The following SWT1 variants were observed in gnomAD, a reference collection of about 807,000 sequenced individuals.
The protein encoded by SWT1 is transcriptional protein SWT1.
A neutral mutation model predicts 107.3 loss-of-function variants in SWT1; 33 were observed. The observed-to-expected ratio is 0.31, with a 90% CI of 0.23 to 0.41. The LOEUF (loss-of-function observed/expected upper bound fraction) is 0.41, where lower values mean the gene tolerates loss of function less well. Among genes scored for constraint, SWT1 ranks in the 10% least tolerant of loss-of-function variants. SWT1 has a pLI of 1.00. For missense variants in SWT1, 898 were observed against 1,028.9 expected (o/e 0.87, Z 1.74); for synonymous variants, 345 against 348.3 (o/e 0.99, Z 0.11).
At chr1:185,246,978 A>G (rs1033771169) in intron 16 of SWT1, among the ~76,000 whole-genome samples, 2 of 151,990 alleles carry the variant, frequency 1.3e-5, no homozygotes, top group Non-Finnish European at 1.5e-5. Flanking sequence ...TTTACATTCT[A>G]TTGTGACTGG....
In SWT1 at chr1:185,168,788, AT is replaced by A. The variant is rs564293135; in HGVS notation, c.224+391del. On this transcript the variant is annotated intron_variant, in intron 4 of 18. Coordinates refer to ENST00000367500, the MANE Select transcript of SWT1 (RefSeq NM_017673.7). ...AGAGTATGTATCTTATAGAATTGAT[AT>A]GGCTTTAAAACCGTGTTGATTAACC... 7.7e-4 allele frequency among the ~76,000 whole-genome samples: 117 copies of A among 152,318 alleles called. No individual in the cohort carries two copies. In the Middle Eastern group the frequency reaches 0.02, roughly 27 times the overall value.
intron 17 of SWT1, among the ~76,000 whole-genome samples, chr1:185,271,822 A>T (rs1663889223): frequency 6.6e-6 from 1 of 152,286 alleles, no homozygotes; most frequent in Non-Finnish European, 1.5e-5. Flanking sequence ...TGTGATCTAC[A>T]ACTGTCCATT....
chr1:185,262,464 A>G (rs1405284883), intron 16 of SWT1: 2 of 152,214 alleles, frequency 1.3e-5, no homozygotes, highest in South Asian at 2.1e-4. Context: ...CATCATTCCC[A>G]TATTCTGGGG....
At chr1:185,248,469 T>A (rs1661767102) in intron 16 of SWT1, among the ~76,000 whole-genome samples, 1 of 152,206 alleles carries the variant, frequency 6.6e-6, no homozygotes. Flanking sequence ...TTCAGAAATT[T>A]AGTATGTTAA....
At chr1:185,251,857 A>G (rs1274599004) in intron 16 of SWT1, among the ~76,000 whole-genome samples, 2 of 151,904 alleles carry the variant, frequency 1.3e-5, no homozygotes, top group African/African-American at 4.8e-5. Context: ...GGTTAGTTAC[A>G]TATGTATACA....
intron 16 of SWT1, among the ~76,000 whole-genome samples, chr1:185,246,100 T>C: frequency 6.6e-6 from 1 of 151,990 alleles, no homozygotes; most frequent in Non-Finnish European, 1.5e-5. Context: ...CACCATCATA[T>C]ATGTGGTCCA....
chr1:185,214,433 T>G, intron 13 of SWT1, 74 bp from the exon 14 acceptor site: 1 of 1,157,808 alleles, frequency 8.6e-7, no homozygotes, highest in South Asian at 1.6e-5. Context: ...AAAATTAATA[T>G]TAGTGTTCCA....
intron 15 of SWT1, among the ~76,000 whole-genome samples, chr1:185,228,200 T>TATATACAC (rs1235462995): frequency 9.4e-4 from 136 of 144,994 alleles, no homozygotes; most frequent in African/African-American, 3.2e-3. Context: ...CATATATATA[T>TATATACAC]ACTCAGTATG....
intron 18 of SWT1, among the ~76,000 whole-genome samples, chr1:185,287,582 C>T (rs568615278): frequency 5.3e-5 from 8 of 152,106 alleles, no homozygotes; most frequent in Non-Finnish European, 1.2e-4. Context: ...CTGCGTCTTA[C>T]AATAGTGAGT....
intron 16 of SWT1, among the ~76,000 whole-genome samples, chr1:185,253,375 G>A (rs1211621616): frequency 6.6e-6 from 1 of 151,840 alleles, no homozygotes; most frequent in Non-Finnish European, 1.5e-5. Flanking sequence ...ACCTTGGGCA[G>A]TATGGCCATT....
At position 185,271,371 on chromosome 1, in the gene SWT1, C is replaced by A; in HGVS notation, c.2490C>A (p.Asn830Lys). 1 of 1,504,290 alleles carries A rather than the reference C, an allele frequency of 6.6e-7. No individual in the cohort carries two copies. The highest frequency in any genetic ancestry group is 9.2e-7 in the Non-Finnish European group (1 of 1,082,764). The allele number at this position is 1,504,290 out of a possible 1,614,324, so 93.2% of individuals were successfully genotyped here. ...ATCAAGATGTTGAGACCCTCTATAA[C>A]TTCCTAATCAAGTATGAGGTATGGG... ...SNYQDVETLY[N>K]FLIKYEVNKN... The change falls in exon 17 of 19, where the codon AAC becomes AAA. Residue 830 changes from asparagine to lysine, a missense_variant. By Grantham distance (94) the Asn-to-Lys change is moderately conservative. Coordinates refer to ENST00000367500, the MANE Select transcript of SWT1 (RefSeq NM_017673.7).
intron 2 of SWT1, among the ~76,000 whole-genome samples, chr1:185,163,836 C>T (rs1197869711): frequency 6.6e-6 from 1 of 152,204 alleles, no homozygotes; most frequent in East Asian, 1.9e-4. Context: ...ATCAACTTTT[C>T]CAAACTCCTG....
intron 9 of SWT1, among the ~76,000 whole-genome samples, chr1:185,185,709 A>T (rs567183148): frequency 1.2e-4 from 18 of 152,282 alleles, no homozygotes; most frequent in Middle Eastern, 6.8e-3. Context: ...TTATGGTATT[A>T]ACTATGAGAA....
intron 10 of SWT1, 138 bp downstream of exon 10, chr1:185,190,780 A>T: frequency 1.8e-6 from 1 of 550,510 alleles, no homozygotes; most frequent in East Asian, 2.8e-5. Context: ...ACCCACTTGT[A>T]TCTGACAGTC....
chr1:185,289,683 AAAG>A lies in SWT1; in HGVS notation c.2574-985_2574-983del, dbSNP rs560999024. ...AGTGGAATACTATTCACTCTTAAAA[AAAG>A]AAGAAAATCCTGTCATCTGGAACAA... On this transcript the variant is annotated intron_variant, in intron 18 of 18. Transcript: ENST00000367500. Among the ~76,000 whole-genome samples the A allele has an allele frequency of 1.8e-4, 27 of 152,292 alleles. No individual in the cohort carries two copies. The South Asian group carries it at 4.8e-3, about 27-fold the overall frequency.
At chr1:185,207,370 G>C (rs931042445) in intron 13 of SWT1, among the ~76,000 whole-genome samples, 1 of 152,164 alleles carries the variant, frequency 6.6e-6, no homozygotes, top group Admixed American at 6.5e-5. Context: ...AAAGATTGAA[G>C]GGGGAGCCCA....
chr1:185,269,952 C>T (rs1571674988), intron 16 of SWT1, among the ~76,000 whole-genome samples: 3 of 152,120 alleles, frequency 2.0e-5, no homozygotes, highest in African/African-American at 4.8e-5. Context: ...ATGGGTTTAT[C>T]GGGGTGTATC....
chr1:185,231,661 T>C lies in SWT1; in HGVS notation c.2394T>C (p.Leu798=). 6.2e-7 allele frequency: 1 copy of C among 1,609,684 alleles called. No individual in the cohort carries two copies. The highest frequency in any genetic ancestry group is 1.1e-5 in the South Asian group (1 of 90,926). Residue 798 remains leucine, a synonymous_variant, in exon 16 of 19, where the codon CTT becomes CTC. Coordinates refer to ENST00000367500, the MANE Select transcript of SWT1 (RefSeq NM_017673.7). ...CATTTGAAGAAGCATTTATATGTCT[T>C]CAAAAGTTAATGGCAGCTGTGAGGG... ...IASFEEAFIC[L]QKLMAAVRDI...
chr1:185,232,134 G>A (rs1413884742), intron 16 of SWT1, among the ~76,000 whole-genome samples: 2 of 151,860 alleles, frequency 1.3e-5, no homozygotes, highest in Admixed American at 6.6e-5. Context: ...TTTTTGAATC[G>A]CAGTTGGCCT....
Sources: allele counts gnomAD v4.1 joint callset (sites outside exome capture counted in the v4.1 genomes callset), GRCh38; gene constraint gnomAD v4.1.1; transcripts MANE v1.5; gene names NCBI Gene and HGNC (gene_info 2026-07-23, HGNC 2026-07-21).